Variants in ATF1 observed in about 807,000 individuals in gnomAD.
ATF1 encodes cyclic AMP-dependent transcription factor ATF-1.
ATF1 carries 16 observed loss-of-function variants against 34.7 expected under a neutral mutation model. That is an observed-to-expected ratio of 0.46 (90% CI 0.31 to 0.70). The LOEUF (loss-of-function observed/expected upper bound fraction) is 0.70. ATF1 is among the 30% of genes least tolerant of loss of function. The probability of loss-of-function intolerance (pLI) is 0.05; values close to 1 mark genes in which losing one functional copy is unlikely to be tolerated. For synonymous variants in ATF1, 105 were observed against 113.1 expected (o/e 0.93, Z 0.46); for missense variants, 255 against 321.6 (o/e 0.79, Z 1.58).
chr12:50,766,630 A>G (rs1281829483), intron 1 of ATF1, among the ~76,000 whole-genome samples: 3 of 151,234 alleles, frequency 2.0e-5, no homozygotes, highest in South Asian at 2.1e-4. Flanking sequence ...AGCATTAGGT[A>G]TATCTCCCAA....
Position 50,814,285 on chromosome 12 carries a change from T to A in ATF1, c.517T>A (p.Ser173Thr), listed in dbSNP as rs775954565. Reference sequence around the variant, plus strand: ...CACTCTTGTTTACCATCTAGCTGCATCAGGAGATATGCAAACATATCAGAT... The same window carrying A: ...CACTCTTGTTTACCATCTAGCTGCAACAGGAGATATGCAAACATATCAGAT... ...PSNQVVVQTA[S>T]GDMQTYQIRT... Residue 173 changes from serine to threonine, a missense_variant, in exon 6 of 7, where the codon TCA becomes ACA. Ser to Thr is a moderately conservative substitution (Grantham distance 58, BLOSUM62 1). This residue lies in a region of ATF1 where 221 missense variants were observed against 250.7 expected (regional missense o/e 0.88). Coordinates refer to ENST00000262053, the MANE Select transcript of ATF1 (RefSeq NM_005171.5). The A allele has an allele frequency of 5.0e-6, 8 of 1,614,060 alleles. No homozygotes were observed. The South Asian group carries it at 8.8e-5, about 18-fold the overall frequency.
At chr12:50,765,227 A>G (rs17124949) in intron 1 of ATF1, among the ~76,000 whole-genome samples, 7,393 of 152,234 alleles carry the variant, frequency 0.049, 613 homozygotes, top group African/African-American at 0.17. Flanking sequence ...GTAGGCATTT[A>G]TGTCTCAGAA....
intron 4 of ATF1, 131 bp downstream of exon 4, chr12:50,809,720 A>G: frequency 1.0e-6 from 1 of 1,003,254 alleles, no homozygotes; most frequent in Admixed American, 2.8e-5. Context: ...GCCAGGAATA[A>G]TGCGAAGTAC....
intron 3 of ATF1, among the ~76,000 whole-genome samples, chr12:50,801,303 C>A (rs553052771): frequency 1.1e-4 from 16 of 152,078 alleles, no homozygotes; most frequent in African/African-American, 2.9e-4. Context: ...TATCTATATA[C>A]CCCTAGAGCA....
Position 50,819,627 on chromosome 12 carries a change from A to G in ATF1, c.672-8A>G. On this transcript the variant is annotated splice_polypyrimidine_tract_variant and splice_region_variant and intron_variant, in intron 6 of 6. Coordinates refer to ENST00000262053, the MANE Select transcript of ATF1 (RefSeq NM_005171.5). The stretch of plus-strand genomic sequence containing the variant: ...TTCTAACATTGTTTTTTTAATGCTC[A>G]TATTTAGAGAAGCTGCTCGAGAATG... 2 of 1,609,716 alleles carry G rather than the reference A, an allele frequency of 1.2e-6. No homozygotes were observed. The highest frequency in any genetic ancestry group is 1.7e-6 in the Non-Finnish European group (2 of 1,178,984).
At chr12:50,772,824 A>G (rs1406603584) in intron 1 of ATF1, among the ~76,000 whole-genome samples, 1 of 152,024 alleles carries the variant, frequency 6.6e-6, no homozygotes, top group African/African-American at 2.4e-5. Context: ...ATAGGTAAAC[A>G]TGTGCCATGA....
At chr12:50,792,677 T>G (rs190238918) in intron 2 of ATF1, among the ~76,000 whole-genome samples, 4 of 152,290 alleles carry the variant, frequency 2.6e-5, no homozygotes, top group African/African-American at 7.2e-5. Flanking sequence ...AGAAAAGTTT[T>G]AGAATTTCTA....
intron 3 of ATF1, 23 bp from the exon 4 acceptor site, chr12:50,809,433 T>TAG: frequency 6.7e-7 from 1 of 1,487,910 alleles, no homozygotes; most frequent in Non-Finnish European, 9.0e-7. Context: ...CAATGTTTAA[T>TAG]AGAGTTCTGG....
intron 2 of ATF1, among the ~76,000 whole-genome samples, chr12:50,792,175 T>C (rs933684137): frequency 6.6e-6 from 1 of 152,184 alleles, no homozygotes; most frequent in Non-Finnish European, 1.5e-5. Flanking sequence ...CACAGAACAG[T>C]ACTTTGTAAT....
rs1941914527 is a variant in ATF1, at chr12:50,819,890, C to T, written c.*111C>T. ...CTGAAGCTTTTTATTTAGGCTTTTCCAAATCAAGGATAAATATCTTACGCA... is the reference window on the plus strand; with the variant it reads ...CTGAAGCTTTTTATTTAGGCTTTTCTAAATCAAGGATAAATATCTTACGCA... On this transcript the variant is annotated 3_prime_UTR_variant, in exon 7 of 7. Transcript: ENST00000262053. The T allele has an allele frequency of 2.1e-6, 2 of 944,870 alleles. No individual in the cohort carries two copies. Among genetic ancestry groups the T allele is most frequent in the Admixed American group, 6.4e-5 (2 of 31,174 alleles). The allele number at this position is 944,870 out of a possible 1,614,324, so 58.5% of individuals were successfully genotyped here. A position where few individuals can be genotyped will look rare whatever the true frequency, so the allele number is the denominator to read the frequency against.
At chr12:50,776,168 T>G (rs868799389) in intron 1 of ATF1, among the ~76,000 whole-genome samples, 1 of 151,026 alleles carries the variant, frequency 6.6e-6, no homozygotes, top group Non-Finnish European at 1.5e-5. Context: ...AAAAATTAGC[T>G]GGGCATGGTG....
At chr12:50,764,834 G>T (rs995364554) in intron 1 of ATF1, among the ~76,000 whole-genome samples, 1 of 152,250 alleles carries the variant, frequency 6.6e-6, no homozygotes, top group Non-Finnish European at 1.5e-5. Context: ...CCGACGCACG[G>T]GCATTGCGCA....
intron 1 of ATF1, among the ~76,000 whole-genome samples, chr12:50,774,832 C>T (rs1409674743): frequency 6.6e-6 from 1 of 150,428 alleles, no homozygotes; most frequent in Non-Finnish European, 1.5e-5. Context: ...ATTGCAAGCT[C>T]CGCCTCCCGG....
chr12:50,769,622 AC>A (rs747570543), intron 1 of ATF1, among the ~76,000 whole-genome samples: 8 of 152,158 alleles, frequency 5.3e-5, no homozygotes, highest in Non-Finnish European at 8.8e-5. Context: ...GTTATGGGAA[AC>A]TCCTATAATT....
At chr12:50,799,495 A>G (rs1010074083) in intron 3 of ATF1, among the ~76,000 whole-genome samples, 22 of 152,214 alleles carry the variant, frequency 1.4e-4, no homozygotes, top group Non-Finnish European at 1.9e-4. Context: ...ATCAAAGAAC[A>G]AGGAAAAATC....
chr12:50,765,519 T>C (rs1011486948), intron 1 of ATF1, among the ~76,000 whole-genome samples: 2 of 149,598 alleles, frequency 1.3e-5, no homozygotes, highest in African/African-American at 4.8e-5. Context: ...TTTGTTTTGT[T>C]TGTTTGTTTG....
chr12:50,808,367 G>A (rs917092070), intron 3 of ATF1, among the ~76,000 whole-genome samples: 3 of 151,310 alleles, frequency 2.0e-5, no homozygotes, highest in Non-Finnish European at 4.4e-5. Flanking sequence ...TCACTCTGTC[G>A]CCCAGGCTGG....
chr12:50,782,784 G>A (rs1188300130), intron 2 of ATF1, among the ~76,000 whole-genome samples: 1 of 150,022 alleles, frequency 6.7e-6, no homozygotes, highest in Non-Finnish European at 1.5e-5. Flanking sequence ...CTGCCTCTTG[G>A]GTTCAAGTGA....
chr12:50,809,646 G>T, intron 4 of ATF1, 57 bp downstream of exon 4: 1 of 1,501,808 alleles, frequency 6.7e-7, no homozygotes, highest in Middle Eastern at 1.8e-4. Flanking sequence ...CTTTTCTGTA[G>T]AAAGAAATGG....
Sources: gnomAD v4.1 joint callset for allele counts (sites outside exome capture counted in the v4.1 genomes callset) on GRCh38, gnomAD v4.1.1 for gene constraint, gnomAD v4.1.1 regional missense constraint, MANE v1.5 for transcripts, NCBI Gene and HGNC (gene_info 2026-07-23, HGNC 2026-07-21) for gene names.